Variants in SPON1 observed in about 807,000 individuals in gnomAD.
The protein encoded by SPON1 is spondin-1.
In SPON1, 52 loss-of-function variants were observed where a neutral mutation model predicts 111.7. The ratio of observed to expected loss-of-function variants is 0.47; its 90% CI spans 0.37 to 0.59. The LOEUF (loss-of-function observed/expected upper bound fraction) is 0.59. Among genes scored for constraint, SPON1 ranks in the 20% least tolerant of loss-of-function variants. SPON1 has a pLI of 0.00. For synonymous variants in SPON1, 410 were observed against 395.8 expected (o/e 1.04, Z -0.43); for missense variants, 957 against 1,068.5 (o/e 0.90, Z 1.46).
intron 6 of SPON1, among the ~76,000 whole-genome samples, chr11:14,238,097 GCTGT>G (rs1355518054): frequency 1.3e-5 from 2 of 152,340 alleles, no homozygotes; most frequent in South Asian, 4.1e-4. Context: ...TAAATCAGAT[GCTGT>G]CTATTAGGCA....
intron 5 of SPON1, among the ~76,000 whole-genome samples, chr11:14,125,576 T>C (rs782470733): frequency 5.9e-5 from 9 of 152,186 alleles, no homozygotes; most frequent in Non-Finnish European, 8.8e-5. Flanking sequence ...AGCAATCTAA[T>C]CACTAAGGTT....
intron 3 of SPON1, among the ~76,000 whole-genome samples, chr11:14,051,084 T>C (rs72856993): frequency 3.3e-5 from 5 of 152,282 alleles, no homozygotes; most frequent in Non-Finnish European, 7.4e-5. Flanking sequence ...AAGAGGGGTG[T>C]AGAGTTGCCT....
chr11:14,022,963 T>C (rs914544743), intron 2 of SPON1, among the ~76,000 whole-genome samples: 1 of 152,148 alleles, frequency 6.6e-6, no homozygotes, highest in African/African-American at 2.4e-5. Context: ...CTAAATTTGT[T>C]CCTCCCTCTT....
chr11:14,204,798 C>T (rs940851058), intron 6 of SPON1, among the ~76,000 whole-genome samples: 1 of 152,086 alleles, frequency 6.6e-6, no homozygotes, highest in African/African-American at 2.4e-5. Flanking sequence ...CATTCTCCTG[C>T]CTCAGCCTCC....
At chr11:14,217,641 AT>A (rs1172056141) in intron 6 of SPON1, among the ~76,000 whole-genome samples, 172 of 147,058 alleles carry the variant, frequency 1.2e-3, no homozygotes, top group Middle Eastern at 7.0e-3. Flanking sequence ...AAAAACATGG[AT>A]TTTTTTTTTT....
chr11:14,007,214 C>T lies in SPON1; in HGVS notation c.345+24261C>T, dbSNP rs143226696. Among the ~76,000 whole-genome samples, 870 of 152,234 alleles carry T rather than the reference C, an allele frequency of 5.7e-3. 10 individuals carry two copies. The highest frequency in any genetic ancestry group is 0.018 in the African/African-American group (763 of 41,548). On this transcript the variant is annotated intron_variant, in intron 2 of 15. Coordinates refer to ENST00000576479, the MANE Select transcript of SPON1 (RefSeq NM_006108.4). ...TTGCACTTTTATGAGAATTGAATGC[C>T]GCCACTTACTTGACAGGAGGTGTAT...
intron 6 of SPON1, among the ~76,000 whole-genome samples, chr11:14,211,388 A>G (rs1370120402): frequency 6.6e-6 from 1 of 152,186 alleles, no homozygotes. Flanking sequence ...CAATTGCTAC[A>G]AAGAGAATAA....
At chr11:14,058,330 C>G (rs1554919479) in intron 3 of SPON1, among the ~76,000 whole-genome samples, 1 of 152,080 alleles carries the variant, frequency 6.6e-6, no homozygotes, top group African/African-American at 2.4e-5. Context: ...CAGGATGCAG[C>G]CTGTGTGACC....
At chr11:14,018,423 GA>G (rs1848458260) in intron 2 of SPON1, among the ~76,000 whole-genome samples, 1 of 152,162 alleles carries the variant, frequency 6.6e-6, no homozygotes, top group Non-Finnish European at 1.5e-5. Context: ...GTTTAGAAAT[GA>G]CATGGAAATT....
At chr11:13,999,031 T>C (rs1848295852) in intron 2 of SPON1, among the ~76,000 whole-genome samples, 1 of 152,200 alleles carries the variant, frequency 6.6e-6, no homozygotes, top group African/African-American at 2.4e-5. Context: ...AACTACTTTA[T>C]GGGATAGCTC....
chr11:14,213,921 C>G (rs1357237803), intron 6 of SPON1, among the ~76,000 whole-genome samples: 2 of 152,176 alleles, frequency 1.3e-5, no homozygotes, highest in Admixed American at 1.3e-4. Context: ...CCCCAGATGT[C>G]AGCAAACACA....
At chr11:14,174,414 T>A (rs1848149708) in intron 6 of SPON1, among the ~76,000 whole-genome samples, 1 of 152,188 alleles carries the variant, frequency 6.6e-6, no homozygotes, top group South Asian at 2.1e-4. Context: ...CTAGTTATAA[T>A]GTGAAGTAAT....
intron 5 of SPON1, among the ~76,000 whole-genome samples, chr11:14,090,838 CCCCCCCG>C (rs1564903008): frequency 0.041 from 1,723 of 41,946 alleles, 89 homozygotes; most frequent in East Asian, 0.17. Flanking sequence ...CCCCCCCCCC[CCCCCCCG>C]CCCACATCCT....
rs1848756186 is a variant in SPON1, at chr11:14,227,774, C to T, written c.826-15558C>T. 2.6e-5 allele frequency among the ~76,000 whole-genome samples: 4 copies of T among 152,208 alleles called. No individual in the cohort carries two copies. The South Asian group carries it at 8.3e-4, about 32-fold the overall frequency. The stretch of plus-strand genomic sequence containing the variant: ...AGGCTCAAAGAGTTAAGTAACATTC[C>T]CAGGGTTACACAGTTAAGCCACAGA... On this transcript the variant is annotated intron_variant, in intron 6 of 15. Coordinates refer to ENST00000576479, the MANE Select transcript of SPON1 (RefSeq NM_006108.4).
intron 6 of SPON1, among the ~76,000 whole-genome samples, chr11:14,232,903 C>A (rs1171818483): frequency 3.3e-5 from 5 of 152,046 alleles, no homozygotes; most frequent in Non-Finnish European, 5.9e-5. Context: ...GCAGGGGGGG[C>A]AGTAGGGCAG....
chr11:14,017,423 A>G (rs1474124259), intron 2 of SPON1, among the ~76,000 whole-genome samples: 1 of 152,242 alleles, frequency 6.6e-6, no homozygotes, highest in Non-Finnish European at 1.5e-5. Context: ...TTAGTAATCT[A>G]TGAATAAAGC....
chr11:14,092,975 T>G (rs1849071065), intron 5 of SPON1, among the ~76,000 whole-genome samples: 1 of 152,192 alleles, frequency 6.6e-6, no homozygotes, highest in Non-Finnish European at 1.5e-5. Flanking sequence ...AATTAGTATC[T>G]TATACACAAA....
At chr11:14,088,858 C>A (rs1227223904) in intron 5 of SPON1, among the ~76,000 whole-genome samples, 1 of 151,762 alleles carries the variant, frequency 6.6e-6, no homozygotes, top group African/African-American at 2.4e-5. Context: ...CTAATCTAGT[C>A]CTCGTGCCTT....
chr11:13,999,955 A>T (rs113381855), intron 2 of SPON1, among the ~76,000 whole-genome samples: 1 of 152,108 alleles, frequency 6.6e-6, no homozygotes, highest in Non-Finnish European at 1.5e-5. Flanking sequence ...CCATCCTTCT[A>T]CCAGGTGGTT....
Sources: allele counts gnomAD v4.1 joint callset (sites outside exome capture counted in the v4.1 genomes callset), GRCh38; gene constraint gnomAD v4.1.1; transcripts MANE v1.5; gene names NCBI Gene and HGNC (gene_info 2026-07-23, HGNC 2026-07-21).